The following PIK3C2G variants were observed in gnomAD, a reference collection of about 807,000 sequenced individuals.
PIK3C2G encodes phosphatidylinositol-4-phosphate 3-kinase catalytic subunit type 2 gamma.
PIK3C2G carries 168 observed loss-of-function variants against 181.1 expected under a neutral mutation model. The ratio of observed to expected loss-of-function variants is 0.93; its 90% CI spans 0.82 to 1.05. The LOEUF is 1.05. Among genes scored for constraint, PIK3C2G ranks in the 50% least tolerant of loss-of-function variants. PIK3C2G has a pLI of 0.00. For synonymous variants in PIK3C2G, 573 were observed against 592.2 expected (o/e 0.97, Z 0.47); for missense variants, 1,869 against 1,732.8 (o/e 1.08, Z -1.40).
At chr12:18,699,763 C>G in the PIK3C2G span, 4 of 1,591,448 alleles carry the variant, frequency 2.5e-6, no homozygotes, top group African/African-American at 5.4e-5. Flanking sequence ...CTCATTTAAA[C>G]ATTTCATCTA....
chr12:18,698,540 C>T, the PIK3C2G span, among the ~76,000 whole-genome samples: 8 of 152,056 alleles, frequency 5.3e-5, no homozygotes, highest in East Asian at 1.9e-4. Context: ...TTTCAGAATC[C>T]GCATTCCCAA....
At chr12:18,604,488 A>C (rs1947905148) in intron 30 of PIK3C2G, among the ~76,000 whole-genome samples, 1 of 152,224 alleles carries the variant, frequency 6.6e-6, no homozygotes, top group African/African-American at 2.4e-5. Flanking sequence ...ACAGGTCATC[A>C]AGACAGAAAG....
chr12:18,356,471 G>A (rs1940742923), intron 11 of PIK3C2G, among the ~76,000 whole-genome samples: 1 of 152,078 alleles, frequency 6.6e-6, no homozygotes, highest in South Asian at 2.1e-4. Flanking sequence ...ACAATCTCTG[G>A]CACCCCAGAG....
rs189194823 is a variant in PIK3C2G, at chr12:18,366,763, C to T, written c.1748+3877C>T. On this transcript the variant is annotated intron_variant, in intron 12 of 32. Transcript: ENST00000538779. ...TTAAAAAAAAAAAGCAATCTGTTTC[C>T]GCTTACTGATGTGTCTCTTATTTTT... 2.6e-3 allele frequency among the ~76,000 whole-genome samples: 397 copies of T among 151,224 alleles called. 1 individual carries two copies. Among genetic ancestry groups the T allele is most frequent in the African/African-American group, 9.1e-3 (374 of 41,300 alleles).
intron 5 of PIK3C2G, among the ~76,000 whole-genome samples, chr12:18,313,260 A>T (rs1008136848): frequency 6.6e-5 from 10 of 152,202 alleles, no homozygotes; most frequent in African/African-American, 2.4e-4. Context: ...TGTGCTTGAT[A>T]AATATTTATA....
intron 14 of PIK3C2G, among the ~76,000 whole-genome samples, chr12:18,387,942 G>T (rs561285699): frequency 6.6e-6 from 1 of 152,138 alleles, no homozygotes; most frequent in African/African-American, 2.4e-5. Context: ...ATCTAAGCAA[G>T]ACGTCTCCTT....
intron 1 of PIK3C2G, 101 bp from the exon 2 acceptor site, chr12:18,281,903 G>A: frequency 1.8e-6 from 1 of 545,616 alleles, no homozygotes; most frequent in Non-Finnish European, 3.3e-6. Context: ...CTAAAAAAAA[G>A]CCCACAAAAC....
the PIK3C2G span, chr12:18,688,207 A>G: frequency 3.5e-5 from 57 of 1,608,986 alleles, no homozygotes; most frequent in East Asian, 1.3e-3. Flanking sequence ...GCAACTGGAT[A>G]CCACTGATGA....
At chr12:18,414,361 TTAAAG>T (rs1436354843) in intron 16 of PIK3C2G, among the ~76,000 whole-genome samples, 5 of 152,092 alleles carry the variant, frequency 3.3e-5, no homozygotes, top group South Asian at 2.1e-4. Flanking sequence ...AAAAAGAAAA[TTAAAG>T]TAATCTATGA....
At chr12:18,388,435 C>G (rs1044820193) in intron 14 of PIK3C2G, among the ~76,000 whole-genome samples, 1 of 152,038 alleles carries the variant, frequency 6.6e-6, no homozygotes, top group Non-Finnish European at 1.5e-5. Flanking sequence ...CCACCATGCC[C>G]AGCTTATTTT....
At chr12:18,497,492 C>T in intron 21 of PIK3C2G, 127 bp from the exon 22 acceptor site, 2 of 584,690 alleles carry the variant, frequency 3.4e-6, no homozygotes, top group Non-Finnish European at 5.3e-6. Flanking sequence ...GCTAACAAAA[C>T]CATTAAAACC....
intron 18 of PIK3C2G, among the ~76,000 whole-genome samples, chr12:18,427,553 T>C (rs1945904683): frequency 6.8e-6 from 1 of 146,394 alleles, no homozygotes; most frequent in African/African-American, 2.5e-5. Context: ...TAATAAAATA[T>C]TAAAGACTTA....
intron 11 of PIK3C2G, among the ~76,000 whole-genome samples, chr12:18,354,899 T>C (rs934174169): frequency 1.3e-5 from 2 of 152,212 alleles, no homozygotes; most frequent in African/African-American, 4.8e-5. Flanking sequence ...TGTCTTCTTA[T>C]TCTCAAGTCC....
In PIK3C2G at chr12:18,562,871, G is replaced by A. The variant is rs375656479; in HGVS notation, c.3759G>A (p.Gly1253=). The part of the protein sequence containing the change: ...TRSIERATIL[G]FSKKSSNLYL... Reference sequence around the variant, plus strand: ...CGATTGAAAGAGCAACAATTTTAGGGTTCAGCAAGAAATCCAGTAATGTAA... The same window carrying A: ...CGATTGAAAGAGCAACAATTTTAGGATTCAGCAAGAAATCCAGTAATGTAA... The change falls in exon 27 of 33, where the codon GGG becomes GGA. Residue 1253 remains glycine, a synonymous_variant. Transcript: ENST00000538779. The A allele has an allele frequency of 2.7e-5, 44 of 1,600,220 alleles. No individual in the cohort carries two copies. Among genetic ancestry groups the A allele is most frequent in the Non-Finnish European group, 3.5e-5 (41 of 1,172,278 alleles).
At chr12:18,324,939 T>C in intron 7 of PIK3C2G, 96 bp from the exon 8 acceptor site, 1 of 656,102 alleles carries the variant, frequency 1.5e-6, no homozygotes, top group Non-Finnish European at 2.7e-6. Flanking sequence ...TACGATAGTA[T>C]CATGGGCAAA....
intron 31 of PIK3C2G, among the ~76,000 whole-genome samples, chr12:18,619,818 G>A (rs181308786): frequency 1.4e-4 from 21 of 150,732 alleles, no homozygotes; most frequent in Admixed American, 8.6e-4. Flanking sequence ...TCCGCCTCCC[G>A]GGTTCACGCC....
At chr12:18,493,792 G>T (rs529129485) in intron 20 of PIK3C2G, 1 of 152,168 alleles carries the variant, frequency 6.6e-6, no homozygotes, top group African/African-American at 2.4e-5. Context: ...TTCTTAAAGC[G>T]TGGCTCTCAA....
intron 29 of PIK3C2G, among the ~76,000 whole-genome samples, chr12:18,574,568 T>C (rs1946135284): frequency 6.6e-6 from 1 of 152,180 alleles, no homozygotes; most frequent in Non-Finnish European, 1.5e-5. Context: ...TGTGCATCTT[T>C]GATTAGGGCA....
At chr12:18,584,681 T>C (rs1946680914) in intron 29 of PIK3C2G, among the ~76,000 whole-genome samples, 1 of 152,062 alleles carries the variant, frequency 6.6e-6, no homozygotes, top group Non-Finnish European at 1.5e-5. Context: ...TAAAACTCAG[T>C]AAATATAGAG....
Sources: gnomAD v4.1 joint callset for allele counts (sites outside exome capture counted in the v4.1 genomes callset) on GRCh38, gnomAD v4.1.1 for gene constraint, MANE v1.5 for transcripts, NCBI Gene and HGNC (gene_info 2026-07-23, HGNC 2026-07-21) for gene names.